Variants in CTNNA3 observed in about 807,000 individuals in gnomAD.
The protein encoded by CTNNA3 is catenin alpha 3.
In CTNNA3, 76 loss-of-function variants were observed where a neutral mutation model predicts 95.7. That is an observed-to-expected ratio of 0.79 (90% confidence interval 0.66 to 0.96). The LOEUF (loss-of-function observed/expected upper bound fraction) is 0.96. Among genes scored for constraint, CTNNA3 ranks in the 40% least tolerant of loss-of-function variants. CTNNA3 has a pLI of 0.00. For missense variants in CTNNA3, 1,191 were observed against 1,089.8 expected (o/e 1.09, Z -1.31); for synonymous variants, 431 against 374.4 (o/e 1.15, Z -1.74).
At chr10:66,524,826 G>T (rs1194417871) in intron 10 of CTNNA3, among the ~76,000 whole-genome samples, 1 of 152,106 alleles carries the variant, frequency 6.6e-6, no homozygotes, top group Non-Finnish European at 1.5e-5. Flanking sequence ...AAGGCAGGCG[G>T]ATCTCCTGAG....
chr10:66,207,096 T>C (rs1018029435), intron 13 of CTNNA3, among the ~76,000 whole-genome samples: 2 of 151,660 alleles, frequency 1.3e-5, no homozygotes, highest in Admixed American at 1.3e-4. Context: ...CAATTCACTT[T>C]AAAAGAGAAA....
At chr10:66,847,477 T>A (rs1262263367) in intron 7 of CTNNA3, among the ~76,000 whole-genome samples, 1 of 152,212 alleles carries the variant, frequency 6.6e-6, no homozygotes, top group Non-Finnish European at 1.5e-5. Context: ...ATAGCCTTTG[T>A]AGCCAAACCG....
At chr10:67,113,541 A>G (rs1424585226) in intron 7 of CTNNA3, among the ~76,000 whole-genome samples, 1 of 152,158 alleles carries the variant, frequency 6.6e-6, no homozygotes, top group Non-Finnish European at 1.5e-5. Context: ...TTAGAGTCCA[A>G]CAAGGTTTAT....
chr10:67,559,326 G>C (rs1057470331), intron 3 of CTNNA3, among the ~76,000 whole-genome samples: 1 of 152,188 alleles, frequency 6.6e-6, no homozygotes, highest in Admixed American at 6.5e-5. Context: ...AGCATTCACG[G>C]TTCACGAAAA....
chr10:66,845,311 G>T (rs995159168), intron 7 of CTNNA3, among the ~76,000 whole-genome samples: 24 of 152,156 alleles, frequency 1.6e-4, no homozygotes, highest in African/African-American at 5.6e-4. Flanking sequence ...ATGCACAGCA[G>T]ATATCACCTC....
chr10:66,283,544 C>A (rs1212406018), intron 12 of CTNNA3, among the ~76,000 whole-genome samples: 1 of 151,820 alleles, frequency 6.6e-6, no homozygotes, highest in Non-Finnish European at 1.5e-5. Flanking sequence ...AAAAATACAA[C>A]ACAGCCTTTT....
At chr10:66,658,644 C>A (rs890856139) in intron 9 of CTNNA3, among the ~76,000 whole-genome samples, 1 of 152,140 alleles carries the variant, frequency 6.6e-6, no homozygotes, top group African/African-American at 2.4e-5. Context: ...AGAGGTGTGA[C>A]AAATGGAAGG....
At chr10:67,303,110 A>G (rs1417178727) in intron 5 of CTNNA3, among the ~76,000 whole-genome samples, 1 of 152,206 alleles carries the variant, frequency 6.6e-6, no homozygotes, top group African/African-American at 2.4e-5. Flanking sequence ...CCAATGTTTG[A>G]GAACCACTGA....
chr10:66,434,708 A>T (rs1358992756), intron 11 of CTNNA3, among the ~76,000 whole-genome samples: 2 of 152,178 alleles, frequency 1.3e-5, no homozygotes. Context: ...GAGAGAGGGC[A>T]TCCTTGCCTG....
At chr10:67,087,534 G>A (rs1472214716) in intron 7 of CTNNA3, among the ~76,000 whole-genome samples, 1 of 151,504 alleles carries the variant, frequency 6.6e-6, no homozygotes, top group East Asian at 1.9e-4. Flanking sequence ...ATTAAAATAA[G>A]TTTAAAATAA....
At chr10:66,808,374 A>C (rs1841739542) in intron 7 of CTNNA3, among the ~76,000 whole-genome samples, 1 of 152,260 alleles carries the variant, frequency 6.6e-6, no homozygotes, top group Non-Finnish European at 1.5e-5. Flanking sequence ...CAGTGAGCAA[A>C]AGCACACTGC....
At chr10:66,740,848 A>C (rs1849304012) in intron 9 of CTNNA3, among the ~76,000 whole-genome samples, 1 of 152,190 alleles carries the variant, frequency 6.6e-6, no homozygotes, top group Non-Finnish European at 1.5e-5. Context: ...ATCTCTTTGA[A>C]GCTGATACAT....
At chr10:67,574,021 G>T (rs924909631) in intron 3 of CTNNA3, among the ~76,000 whole-genome samples, 3 of 152,128 alleles carry the variant, frequency 2.0e-5, no homozygotes, top group Non-Finnish European at 2.9e-5. Context: ...TAATTTTCCA[G>T]GAGTTGAAGT....
intron 12 of CTNNA3, among the ~76,000 whole-genome samples, chr10:66,364,898 T>G (rs1437564830): frequency 3.3e-5 from 5 of 152,184 alleles, no homozygotes; most frequent in Non-Finnish European, 5.9e-5. Context: ...TGAAACCATG[T>G]TGCATGAATT....
chr10:67,517,677 T>C (rs1839864317), intron 5 of CTNNA3, among the ~76,000 whole-genome samples: 1 of 152,162 alleles, frequency 6.6e-6, no homozygotes. Flanking sequence ...GAGATTGTCA[T>C]AGTACAAGTC....
chr10:67,205,953 T>C (rs1863878314), intron 6 of CTNNA3, among the ~76,000 whole-genome samples: 1 of 152,172 alleles, frequency 6.6e-6, no homozygotes, highest in African/African-American at 2.4e-5. Flanking sequence ...CTTGGGAGAA[T>C]GTCTTTCTCA....
chr10:66,224,479 C>A (rs113244881), intron 13 of CTNNA3, among the ~76,000 whole-genome samples: 3,708 of 152,184 alleles, frequency 0.024, 98 homozygotes, highest in African/African-American at 0.066. Flanking sequence ...ATGGTAACAA[C>A]GTGAAATACA....
intron 13 of CTNNA3, among the ~76,000 whole-genome samples, chr10:66,270,450 C>A (rs1244620218): frequency 6.6e-6 from 1 of 152,158 alleles, no homozygotes; most frequent in African/African-American, 2.4e-5. Context: ...AACCATTCCA[C>A]CTGCCTCAGC....
chr10:66,957,312 T>C (rs1357421263), intron 7 of CTNNA3, among the ~76,000 whole-genome samples: 1 of 151,228 alleles, frequency 6.6e-6, no homozygotes, highest in African/African-American at 2.4e-5. Context: ...AAAGAATACA[T>C]TTATTCCACA....
Sources: allele counts gnomAD v4.1 joint callset (sites outside exome capture counted in the v4.1 genomes callset), GRCh38; gene constraint gnomAD v4.1.1; transcripts MANE v1.5; gene names NCBI Gene and HGNC (gene_info 2026-07-23, HGNC 2026-07-21).